EXD3: variants seen among roughly 807,000 people sequenced by gnomAD.
EXD3 encodes the protein exonuclease 3'-5' domain containing 3.
Under a neutral mutation model 98.0 loss-of-function variants are expected in EXD3, and 92 were observed. That is an observed-to-expected ratio of 0.94 (90% CI 0.79 to 1.12). The LOEUF (loss-of-function observed/expected upper bound fraction) is 1.12. Ranked by LOEUF, EXD3 falls within the 50% of genes most tolerant of loss-of-function variation. The probability of loss-of-function intolerance (pLI) is 0.00; values close to 1 mark genes in which losing one functional copy is unlikely to be tolerated. For missense variants in EXD3, 1,222 were observed against 1,191.6 expected (o/e 1.03, Z -0.38); for synonymous variants, 569 against 526.0 (o/e 1.08, Z -1.12).
In EXD3 at chr9:137,324,201, CCACCTCTGCT is replaced by C; in HGVS notation, c.1999-68_1999-59del. 1 of 1,450,628 alleles carries C rather than the reference CCACCTCTGCT, an allele frequency of 6.9e-7. No homozygotes were observed. The highest frequency in any genetic ancestry group is 1.4e-5 in the African/African-American group (1 of 71,284). The allele number at this position is 1,450,628 out of a possible 1,614,324, so 89.9% of individuals were successfully genotyped here. A position where few individuals can be genotyped will look rare whatever the true frequency, so the allele number is the denominator to read the frequency against. The stretch of plus-strand genomic sequence containing the variant: ...GGCAGCTCCGTGCTCCTGGACTGGG[CCACCTCTGCT>C]CGCCACCCCCTAGCTCCCCGGATCG... On this transcript the variant is annotated intron_variant, in intron 17 of 21. Transcript: ENST00000340951. The surrounding 1 kb of genome is among the most constrained non-coding windows in gnomAD (Gnocchi z 4.1).
intron 4 of EXD3, among the ~76,000 whole-genome samples, 158 bp downstream of exon 4, chr9:137,373,268 G>T (rs1313264577): frequency 8.1e-6 from 1 of 124,198 alleles, no homozygotes; most frequent in African/African-American, 3.0e-5. Flanking sequence ...AGAGGGTGAA[G>T]CCACGGGCTG....
intron 1 of EXD3, among the ~76,000 whole-genome samples, chr9:137,397,800 G>T (rs565363143): frequency 3.3e-5 from 5 of 152,086 alleles, no homozygotes; most frequent in African/African-American, 4.8e-5. Flanking sequence ...AAAAGTAGCC[G>T]GGTGTGGTGG....
chr9:137,337,524 A>G (rs1324964035), intron 17 of EXD3, among the ~76,000 whole-genome samples: 5 of 151,922 alleles, frequency 3.3e-5, no homozygotes, highest in Non-Finnish European at 5.9e-5. Context: ...GGTGGCGGAC[A>G]CCTGTAATCC....
intron 1 of EXD3, among the ~76,000 whole-genome samples, chr9:137,420,385 G>C (rs1217447262): frequency 1.3e-5 from 2 of 152,108 alleles, no homozygotes; most frequent in East Asian, 3.9e-4. Context: ...TTCTCTACCT[G>C]ATTTCTCAAA....
intron 2 of EXD3, among the ~76,000 whole-genome samples, chr9:137,389,234 C>T (rs1394962596): frequency 1.3e-5 from 2 of 152,202 alleles, no homozygotes; most frequent in Non-Finnish European, 2.9e-5. Context: ...ACCCCAAGCC[C>T]GGCGGACAGC....
intron 1 of EXD3, among the ~76,000 whole-genome samples, chr9:137,409,035 T>C (rs1406997372): frequency 6.6e-6 from 1 of 152,270 alleles, no homozygotes; most frequent in African/African-American, 2.4e-5. Context: ...TGTGTCCCTC[T>C]GAAACACGCT....
chr9:137,378,355 C>G (rs2131702225), intron 3 of EXD3, among the ~76,000 whole-genome samples: 1 of 152,246 alleles, frequency 6.6e-6, no homozygotes, highest in African/African-American at 2.4e-5. Flanking sequence ...ACTACAGGTG[C>G]ATGCCACCAC....
chr9:137,337,052 T>G (rs1833389469), intron 17 of EXD3, among the ~76,000 whole-genome samples: 2 of 152,086 alleles, frequency 1.3e-5, no homozygotes, highest in Non-Finnish European at 1.5e-5. Flanking sequence ...AGTAAAAGGA[T>G]GAAAAAGTGC....
At position 137,397,648 on chromosome 9, in the gene EXD3, G is replaced by A. The variant is rs189469316; in HGVS notation, c.-47-2244C>T. 1.5e-4 allele frequency among the ~76,000 whole-genome samples: 23 copies of A among 152,308 alleles called. No individual in the cohort carries two copies. The East Asian group carries it at 4.2e-3, about 28-fold the overall frequency. ...AGACTTTAACACAACGATTTCAACT[G>A]CGTTCACAGAATGAACAGAAAACAT... On this transcript the variant is annotated intron_variant, in intron 1 of 21. Coordinates refer to ENST00000340951, the MANE Select transcript of EXD3 (RefSeq NM_017820.5).
intron 1 of EXD3, among the ~76,000 whole-genome samples, chr9:137,406,468 G>A (rs1837719578): frequency 6.6e-6 from 1 of 152,134 alleles, no homozygotes; most frequent in African/African-American, 2.4e-5. Context: ...CTGACAGGAG[G>A]CCGCTCCACC....
At chr9:137,357,005 C>T (rs571393863) in intron 7 of EXD3, among the ~76,000 whole-genome samples, 13 of 152,280 alleles carry the variant, frequency 8.5e-5, no homozygotes, top group East Asian at 3.9e-4. Context: ...GGTCTGTGCC[C>T]GCTGCACACC....
chr9:137,328,148 A>G (rs1444807765), intron 17 of EXD3, among the ~76,000 whole-genome samples: 58 of 145,188 alleles, frequency 4.0e-4, no homozygotes, highest in Non-Finnish European at 7.6e-4. Flanking sequence ...ATAAACACCG[A>G]CATGATGAGT....
At chr9:137,406,079 G>A (rs1837696958) in intron 1 of EXD3, among the ~76,000 whole-genome samples, 1 of 152,020 alleles carries the variant, frequency 6.6e-6, no homozygotes, top group African/African-American at 2.4e-5. Context: ...AGCTGGGCGT[G>A]GTAACATGCA....
At chr9:137,318,295 G>T (rs781304704) in intron 19 of EXD3, among the ~76,000 whole-genome samples, 1 of 152,048 alleles carries the variant, frequency 6.6e-6, no homozygotes, top group African/African-American at 2.4e-5. Flanking sequence ...CTTCCCAGGC[G>T]CCCATGAGCT....
rs560866797 is a variant in EXD3, at chr9:137,339,981, C to A, written c.1998+8090G>T. Among the ~76,000 whole-genome samples, 6 of 152,208 alleles carry A rather than the reference C, an allele frequency of 3.9e-5. 1 individual carries two copies. The East Asian group carries it at 1.2e-3, about 29-fold the overall frequency. ...GCAGATGACGTGTACGAACAGAACC[C>A]CAAATAATGGACAACCAATTCAGTA... On this transcript the variant is annotated intron_variant, in intron 17 of 21. Transcript: ENST00000340951.
chr9:137,345,120 C>T (rs1015406280), intron 17 of EXD3, among the ~76,000 whole-genome samples: 5 of 152,272 alleles, frequency 3.3e-5, no homozygotes, highest in Non-Finnish European at 7.3e-5. Context: ...GGACACAGCC[C>T]CATGGCGTTT....
chr9:137,383,649 G>A (rs1478727440), intron 2 of EXD3, among the ~76,000 whole-genome samples: 2 of 152,214 alleles, frequency 1.3e-5, no homozygotes, highest in African/African-American at 4.8e-5. Flanking sequence ...TGGGAGCTGG[G>A]CCTCATCTTT....
At position 137,351,475 on chromosome 9, in the gene EXD3, C is replaced by T; in HGVS notation, c.1227G>A (p.Gly409=). The change falls in exon 13 of 22, where the codon GGG becomes GGA. Residue 409 remains glycine (G), a synonymous_variant. Coordinates refer to ENST00000340951, the MANE Select transcript of EXD3 (RefSeq NM_017820.5). ...DVEWTPVFVA[G]GRPRPSLLQV... The stretch of plus-strand genomic sequence containing the variant: ...GCAGGAGTGACGGCCGAGGCCGGCC[C>T]CCAGCAACAAACACAGGTGTCCACT... 6.2e-7 allele frequency: 1 copy of T among 1,600,236 alleles called. No homozygotes were observed. Among genetic ancestry groups the T allele is most frequent in the South Asian group, 1.1e-5 (1 of 89,030 alleles).
chr9:137,366,751 G>C, intron 6 of EXD3, 119 bp from the exon 7 acceptor site: 1 of 1,313,684 alleles, frequency 7.6e-7, no homozygotes, highest in African/African-American at 1.5e-5. Flanking sequence ...AGGCCGTCCA[G>C]GCCCAGCAGT....
Sources: allele counts gnomAD v4.1 joint callset (sites outside exome capture counted in the v4.1 genomes callset), GRCh38; gene constraint gnomAD v4.1.1; non-coding constraint Gnocchi (gnomAD v3.1); transcripts MANE v1.5; gene names NCBI Gene and HGNC (gene_info 2026-07-23, HGNC 2026-07-21).